The following TOX variants were observed in gnomAD, a reference collection of about 807,000 sequenced individuals.
The protein encoded by TOX is thymocyte selection-associated high mobility group box protein TOX.
A neutral mutation model predicts 53.7 loss-of-function variants in TOX; 11 were observed. The observed-to-expected ratio is 0.20, with a 90% CI of 0.13 to 0.34. The LOEUF (loss-of-function observed/expected upper bound fraction) is 0.34. TOX is among the 10% of genes least tolerant of loss of function. TOX has a pLI of 1.00. For synonymous variants in TOX, 225 were observed against 245.3 expected (o/e 0.92, Z 0.77); for missense variants, 570 against 664.6 (o/e 0.86, Z 1.56).
intron 3 of TOX, among the ~76,000 whole-genome samples, chr8:58,898,059 C>A (rs1159692869): frequency 6.6e-6 from 1 of 152,078 alleles, no homozygotes; most frequent in Non-Finnish European, 1.5e-5. Flanking sequence ...TTTTCAGGAA[C>A]CTTTCTCCAT....
intron 3 of TOX, among the ~76,000 whole-genome samples, chr8:58,857,509 T>A (rs1273204894): frequency 6.6e-6 from 1 of 152,176 alleles, no homozygotes; most frequent in Non-Finnish European, 1.5e-5. Flanking sequence ...AGGGGTATTA[T>A]AATGATGAAG....
chr8:58,818,915 A>T (rs769617557), intron 6 of TOX, among the ~76,000 whole-genome samples: 15 of 152,162 alleles, frequency 9.9e-5, no homozygotes, highest in Non-Finnish European at 1.8e-4. Context: ...TCTCACCCAT[A>T]CTTTGGGAAT....
intron 1 of TOX, among the ~76,000 whole-genome samples, chr8:59,100,707 G>A (rs749192057): frequency 1.3e-5 from 2 of 151,858 alleles, no homozygotes; most frequent in Admixed American, 6.6e-5. Context: ...ATGATGAATC[G>A]GAACAAAATG....
chr8:58,871,726 T>C (rs538358681), intron 3 of TOX, among the ~76,000 whole-genome samples: 2 of 152,244 alleles, frequency 1.3e-5, no homozygotes, highest in South Asian at 4.1e-4. Context: ...GCCAAGTTTC[T>C]CACTATTGTG....
At chr8:58,932,455 A>G (rs1812272125) in intron 3 of TOX, among the ~76,000 whole-genome samples, 1 of 152,202 alleles carries the variant, frequency 6.6e-6, no homozygotes, top group Non-Finnish European at 1.5e-5. Flanking sequence ...TCCATTTTAA[A>G]CAAACACTTG....
chr8:58,921,098 G>T (rs1812066743), intron 3 of TOX, among the ~76,000 whole-genome samples: 1 of 152,158 alleles, frequency 6.6e-6, no homozygotes, highest in African/African-American at 2.4e-5. Context: ...GAACCAGGAG[G>T]TACTGTTCAT....
chr8:58,921,185 A>C (rs1812068313), intron 3 of TOX, among the ~76,000 whole-genome samples: 1 of 152,246 alleles, frequency 6.6e-6, no homozygotes, highest in Non-Finnish European at 1.5e-5. Flanking sequence ...TCTCTTGAAC[A>C]AGTGCAAGCT....
chr8:59,070,674 C>G (rs989600731), intron 1 of TOX, among the ~76,000 whole-genome samples: 10 of 151,956 alleles, frequency 6.6e-5, no homozygotes, highest in African/African-American at 9.7e-5. Flanking sequence ...GATCCAAGAG[C>G]AACAAGAAAA....
intron 1 of TOX, among the ~76,000 whole-genome samples, chr8:59,060,793 C>T (rs1361153835): frequency 6.6e-6 from 1 of 152,056 alleles, no homozygotes; most frequent in Non-Finnish European, 1.5e-5. Context: ...TACCATTATC[C>T]CATGTTACAA....
intron 3 of TOX, among the ~76,000 whole-genome samples, chr8:58,915,100 T>G (rs1811986914): frequency 6.7e-6 from 1 of 149,802 alleles, no homozygotes; most frequent in African/African-American, 2.5e-5. Flanking sequence ...GAGATCAAAC[T>G]GCAAGGCGGC....
At chr8:58,888,832 A>T (rs1811514428) in intron 3 of TOX, among the ~76,000 whole-genome samples, 2 of 152,080 alleles carry the variant, frequency 1.3e-5, no homozygotes, top group South Asian at 4.1e-4. Context: ...AATGCATGTC[A>T]TTGATTTAAT....
At chr8:58,810,375 C>T (rs550333072) in intron 7 of TOX, among the ~76,000 whole-genome samples, 3 of 152,108 alleles carry the variant, frequency 2.0e-5, no homozygotes, top group South Asian at 2.1e-4. Context: ...GGCTCTTGCT[C>T]TGTCACCCAG....
intron 3 of TOX, among the ~76,000 whole-genome samples, chr8:58,894,050 T>C (rs898058956): frequency 9.2e-5 from 14 of 152,240 alleles, no homozygotes; most frequent in African/African-American, 1.4e-4. Context: ...CTTTAGCTTA[T>C]TGGAAACTTG....
At chr8:58,944,769 C>T (rs1004661080) in intron 2 of TOX, among the ~76,000 whole-genome samples, 37 of 152,244 alleles carry the variant, frequency 2.4e-4, no homozygotes, top group African/African-American at 8.2e-4. Flanking sequence ...TACTGTTAAA[C>T]GGATTTATAC....
Position 59,011,536 on chromosome 8 carries a change from C to T in TOX, c.103-51528G>A, listed in dbSNP as rs566196154. Among the ~76,000 whole-genome samples, 34 of 152,226 alleles carry T rather than the reference C, an allele frequency of 2.2e-4. 1 individual carries two copies. In the East Asian group the frequency reaches 6.4e-3, roughly 29 times the overall value. ...AGCAAATGCTTTTTCAAGTGTCCAG[C>T]AATCTCTTTAGTAATATTGATATTT... On this transcript the variant is annotated intron_variant, in intron 1 of 8. Coordinates refer to ENST00000361421, the MANE Select transcript of TOX (RefSeq NM_014729.3).
At chr8:58,889,888 T>G (rs1811531300) in intron 3 of TOX, among the ~76,000 whole-genome samples, 1 of 152,194 alleles carries the variant, frequency 6.6e-6, no homozygotes, top group Non-Finnish European at 1.5e-5. Flanking sequence ...TAAAGTGATC[T>G]CTTAACATTA....
chr8:58,946,900 T>A (rs1434209950), intron 2 of TOX, among the ~76,000 whole-genome samples: 1 of 152,178 alleles, frequency 6.6e-6, no homozygotes, highest in African/African-American at 2.4e-5. Context: ...CAGGCTTATT[T>A]ATAAAATTGC....
intron 1 of TOX, among the ~76,000 whole-genome samples, chr8:59,049,889 G>C (rs1563430008): frequency 6.6e-6 from 1 of 152,182 alleles, no homozygotes; most frequent in Non-Finnish European, 1.5e-5. Flanking sequence ...AAAGAAGAGA[G>C]AAGAGTGGAG....
chr8:58,888,156 T>C (rs1305800592), intron 3 of TOX, among the ~76,000 whole-genome samples: 2 of 152,106 alleles, frequency 1.3e-5, no homozygotes. Flanking sequence ...TCCACCATCA[T>C]ATATGCGGTC....
Sources: allele counts gnomAD v4.1 joint callset (sites outside exome capture counted in the v4.1 genomes callset), GRCh38; gene constraint gnomAD v4.1.1; transcripts MANE v1.5; gene names NCBI Gene and HGNC (gene_info 2026-07-23, HGNC 2026-07-21).